LMNA: variants seen among roughly 807,000 people sequenced by gnomAD.
LMNA encodes the protein lamin A/C.
Under a neutral mutation model 70.4 loss-of-function variants are expected in LMNA, and 20 were observed. The ratio of observed to expected loss-of-function variants is 0.28; its 90% CI spans 0.20 to 0.41. The LOEUF (loss-of-function observed/expected upper bound fraction) is 0.41. LMNA is among the 10% of genes least tolerant of loss of function. The pLI is 1.00. For synonymous variants in LMNA, 339 were observed against 372.8 expected (o/e 0.91, Z 1.04); for missense variants, 652 against 917.2 (o/e 0.71, Z 3.73).
Position 156,139,172 on chromosome 1 carries a change from C to T in LMNA, c.*66C>T. On this transcript the variant is annotated 3_prime_UTR_variant, in exon 12 of 12. Coordinates refer to ENST00000368300, the MANE Select transcript of LMNA (RefSeq NM_170707.4). ...GCGTCCTCCTCACCTCATGCCCACC[C>T]CCTGCCCTGCACGTCATGGGAGGGG... The T allele has an allele frequency of 6.2e-7, 1 of 1,611,858 alleles. No homozygotes were observed. The highest frequency in any genetic ancestry group is 8.5e-7 in the Non-Finnish European group (1 of 1,179,802).
In LMNA at chr1:156,135,880, A is replaced by G; in HGVS notation, c.937-21A>G. 1 of 1,607,822 alleles carries G rather than the reference A, an allele frequency of 6.2e-7. No individual in the cohort carries two copies. The highest frequency in any genetic ancestry group is 8.5e-7 in the Non-Finnish European group (1 of 1,175,524). On this transcript the variant is annotated intron_variant, in intron 5 of 11. Transcript: ENST00000368300. This position sits in a 1 kb window ranked among gnomAD's most constrained non-coding sequence, Gnocchi z 4.8. ...ACTTAGGGCCCTTGGGAGCTCACCAAACCCTCCCACCCCCCTTCAGCTGGC... is the reference window on the plus strand; with the variant it reads ...ACTTAGGGCCCTTGGGAGCTCACCAGACCCTCCCACCCCCCTTCAGCTGGC...
rs1651715818 is a variant in LMNA at position 156,137,129 on chromosome 1, C to G, written c.1505C>G (p.Ala502Gly). ...GQVVTIWAAG[A>G]GATHSPPTDL... Reference sequence around the variant, plus strand: ...CCTCTCCAGATCTGGGCTGCAGGAGCTGGGGCCACCCACAGCCCCCCTACC... The same window carrying G: ...CCTCTCCAGATCTGGGCTGCAGGAGGTGGGGCCACCCACAGCCCCCCTACC... Residue 502 changes from alanine (A) to glycine (G), a missense_variant, in exon 9 of 12, where the codon GCT becomes GGT. Around this residue, in one of 4 missense-constraint regions of LMNA, gnomAD observed 327 missense variants for 387.6 expected, o/e 0.84. Transcript: ENST00000368300. The surrounding 1 kb of genome is among the most constrained non-coding windows in gnomAD (Gnocchi z 4.6). The G allele has an allele frequency of 2.5e-6, 4 of 1,613,826 alleles. No homozygotes were observed. The African/African-American group carries it at 4.0e-5, about 16-fold the overall frequency.
rs138882937 is a variant in LMNA at position 156,099,763 on chromosome 1, G to A, written c.-207+9181G>A. Among the ~76,000 whole-genome samples, 435 of 150,646 alleles carry A rather than the reference G, an allele frequency of 2.9e-3. 2 individuals carry two copies. Among genetic ancestry groups the A allele is most frequent in the African/African-American group, 9.9e-3 (406 of 41,004 alleles). On this transcript the variant is annotated intron_variant, in intron 3 of 12. Transcript: ENST00000368301. ...TAGCTGGGCGTGCTGGTGTGCACCT[G>A]TAATCTCAGCTACTCAGGAGGCTGA...
At chr1:156,094,839 A>G (rs1308338391) in intron 3 of LMNA, among the ~76,000 whole-genome samples, 1 of 151,092 alleles carries the variant, frequency 6.6e-6, no homozygotes, top group Non-Finnish European at 1.5e-5. Flanking sequence ...GGCTCACTGC[A>G]ACCTCCGCCT....
At position 156,135,835 on chromosome 1, in the gene LMNA, C is replaced by G; in HGVS notation, c.937-66C>G. 1 of 1,403,186 alleles carries G rather than the reference C, an allele frequency of 7.1e-7. No individual in the cohort carries two copies. The highest frequency in any genetic ancestry group is 1.0e-6 in the Non-Finnish European group (1 of 1,002,908). 86.9% of individuals were successfully genotyped at this position (1,403,186 alleles called of 1,614,324 possible). On this transcript the variant is annotated intron_variant, in intron 5 of 11. Transcript: ENST00000368300. This position sits in a 1 kb window ranked among gnomAD's most constrained non-coding sequence, Gnocchi z 4.8. ...GTAGCCAGGTGTCTCCTACACCGAC[C>G]CACGTCCCTCCTTCCCCATACTTAG...
At chr1:156,129,962 G>T in intron 1 of LMNA, 1 of 725,662 alleles carries the variant, frequency 1.4e-6, no homozygotes, top group Non-Finnish European at 2.6e-6. Context: ...AGGGAGGCAG[G>T]GACCCCTCTG....
Position 156,134,627 on chromosome 1 carries a change from G to C in LMNA, c.639+99G>C, listed in dbSNP as rs1651371925. 6.3e-7 allele frequency: 1 copy of C among 1,578,202 alleles called. No homozygotes were observed. The highest frequency in any genetic ancestry group is 8.7e-7 in the Non-Finnish European group (1 of 1,151,554). On this transcript the variant is annotated intron_variant, in intron 3 of 11. Coordinates refer to ENST00000368300, the MANE Select transcript of LMNA (RefSeq NM_170707.4). This position sits in a 1 kb window ranked among gnomAD's most constrained non-coding sequence, Gnocchi z 5.3. ...AGCTGTGTGCAGAGCTCGCCTTCCT[G>C]AGTCCCTTGCCCTAGTGGACAGGGA...
chr1:156,086,162 G>C (rs1021442034), intron 2 of LMNA, among the ~76,000 whole-genome samples: 1 of 152,216 alleles, frequency 6.6e-6, no homozygotes, highest in Non-Finnish European at 1.5e-5. Flanking sequence ...GTTGACTTTA[G>C]CCAGATTGTG....
Position 156,101,834 on chromosome 1 carries a change from G to A in LMNA, c.-207+11252G>A, listed in dbSNP as rs536617872. 4.2e-4 allele frequency among the ~76,000 whole-genome samples: 64 copies of A among 152,280 alleles called. 1 individual carries two copies. The South Asian group carries it at 0.012, about 29-fold the overall frequency. On this transcript the variant is annotated intron_variant, in intron 3 of 12. Coordinates refer to the LMNA transcript ENST00000368301. Reference sequence around the variant, plus strand: ...CATAGAACAGATAACAATTCTGGAGGTAGGAACCACAAGGACTTGGGGGCT... The same window carrying A: ...CATAGAACAGATAACAATTCTGGAGATAGGAACCACAAGGACTTGGGGGCT...
chr1:156,084,777 C>G (rs1048473470), intron 2 of LMNA, among the ~76,000 whole-genome samples: 3 of 152,222 alleles, frequency 2.0e-5, no homozygotes, highest in Non-Finnish European at 2.9e-5. Flanking sequence ...CTGAGCCTTC[C>G]TGTCCCCACT....
chr1:156,087,175 C>G (rs1043374219), intron 2 of LMNA, among the ~76,000 whole-genome samples: 2 of 152,086 alleles, frequency 1.3e-5, no homozygotes, highest in Non-Finnish European at 2.9e-5. Context: ...GATGCCTTCT[C>G]TATCTGTCCT....
Position 156,115,271 on chromosome 1 carries a change from C to A in LMNA, c.353C>A (p.Ala118Glu). The A allele has an allele frequency of 6.2e-7, 1 of 1,604,852 alleles. No individual in the cohort carries two copies. Among genetic ancestry groups the A allele is most frequent in the South Asian group, 1.1e-5 (1 of 90,566 alleles). ...KVREEFKELK[A>E]RNTKKEGDLI... ...CGTGAGGAGTTTAAGGAGCTGAAAG[C>A]GCGGTGAGTTCGCCCAGGTGGCTGC... The change falls in exon 1 of 12, where the codon GCG becomes GAG. Residue 118 changes from alanine to glutamate, a missense_variant. Physicochemically the swap from Ala to Glu is moderately radical, Grantham distance 107. Around this residue, in one of 4 missense-constraint regions of LMNA, gnomAD observed 254 missense variants for 421.9 expected, o/e 0.60. Transcript: ENST00000368300. The surrounding 1 kb of genome is among the most constrained non-coding windows in gnomAD (Gnocchi z 5.8).
At chr1:156,097,966 T>C (rs927249047) in intron 3 of LMNA, among the ~76,000 whole-genome samples, 2 of 152,154 alleles carry the variant, frequency 1.3e-5, no homozygotes, top group Admixed American at 6.5e-5. Context: ...TGTGTGTGTG[T>C]GTGATCATCA....
At chr1:156,106,323 G>A (rs1417717528) in intron 3 of LMNA, among the ~76,000 whole-genome samples, 1 of 152,196 alleles carries the variant, frequency 6.6e-6, no homozygotes, top group Admixed American at 6.5e-5. Flanking sequence ...GGGGCGAGGG[G>A]GCCCTCTCCT....
chr1:156,082,614 G>A (rs1648299628), exon 1 of LMNA: 1 of 152,112 alleles, frequency 6.6e-6, no homozygotes, highest in Non-Finnish European at 1.5e-5. Context: ...TGTGGCCTTC[G>A]GTCTTTCCTC....
chr1:156,090,761 C>T (rs1418409138), intron 3 of LMNA, among the ~76,000 whole-genome samples: 3 of 152,132 alleles, frequency 2.0e-5, no homozygotes, highest in Non-Finnish European at 4.4e-5. Flanking sequence ...GAATTGGAGG[C>T]ATGTCTGGAA....
chr1:156,101,198 T>A (rs1285186383), intron 3 of LMNA, among the ~76,000 whole-genome samples: 1 of 152,096 alleles, frequency 6.6e-6, no homozygotes, highest in Non-Finnish European at 1.5e-5. Context: ...TTTGAAAAGA[T>A]CGCTGTGGGC....
chr1:156,091,974 G>C (rs551708278), intron 3 of LMNA, among the ~76,000 whole-genome samples: 1 of 151,860 alleles, frequency 6.6e-6, no homozygotes, highest in Non-Finnish European at 1.5e-5. Context: ...CTGGAGTGCA[G>C]TGGCATGATT....
chr1:156,126,719 CCT>C, intron 1 of LMNA: 1 of 1,558,206 alleles, frequency 6.4e-7, no homozygotes, highest in South Asian at 1.2e-5. Flanking sequence ...CCCTCTCTTC[CCT>C]CTTTCTGAGA....
Sources: allele counts gnomAD v4.1 joint callset (sites outside exome capture counted in the v4.1 genomes callset), GRCh38; gene constraint gnomAD v4.1.1; regional missense constraint gnomAD v4.1.1; non-coding constraint Gnocchi (gnomAD v3.1); transcripts MANE v1.5; gene names NCBI Gene and HGNC (gene_info 2026-07-23, HGNC 2026-07-21).